Variants in MBOAT2 observed in about 807,000 individuals in gnomAD.
MBOAT2 encodes membrane-bound glycerophospholipid O-acyltransferase 2.
MBOAT2 carries 28 observed loss-of-function variants against 63.4 expected under a neutral mutation model. The ratio of observed to expected loss-of-function variants is 0.44; its 90% CI spans 0.33 to 0.61. The LOEUF is 0.61. MBOAT2 is among the 20% of genes least tolerant of loss of function. MBOAT2 has a pLI of 0.03. For missense variants in MBOAT2, 470 were observed against 605.8 expected (o/e 0.78, Z 2.35); for synonymous variants, 211 against 215.6 (o/e 0.98, Z 0.19).
intron 4 of MBOAT2, among the ~76,000 whole-genome samples, chr2:8,888,455 T>A (rs114459276): frequency 1.7e-3 from 257 of 152,250 alleles, no homozygotes; most frequent in African/African-American, 5.8e-3. Context: ...CAGTACTTTC[T>A]TCAACATATC....
chr2:8,902,941 A>T (rs751482884), intron 4 of MBOAT2, among the ~76,000 whole-genome samples: 1 of 152,110 alleles, frequency 6.6e-6, no homozygotes, highest in African/African-American at 2.4e-5. Flanking sequence ...TGATTGGTCA[A>T]TTTTACAGAG....
rs1309218689 is a variant in MBOAT2, at chr2:8,938,557, TGCCGCTGTGTCTCAG to T, written c.299+4615_299+4629del. ...CGCCACGTTTCATGCCGCCATCTCA[TGCCGCTGTGTCTCAG>T]GCCACATTTCATGCCGTGTTTCATG... On this transcript the variant is annotated intron_variant, in intron 3 of 12. Transcript: ENST00000305997. Among the ~76,000 whole-genome samples, 13 of 151,392 alleles carry T rather than the reference TGCCGCTGTGTCTCAG, an allele frequency of 8.6e-5. No individual in the cohort carries two copies. In the East Asian group the frequency reaches 2.3e-3, roughly 27 times the overall value.
chr2:8,967,126 C>A (rs1670049883), intron 1 of MBOAT2, among the ~76,000 whole-genome samples: 1 of 152,086 alleles, frequency 6.6e-6, no homozygotes, highest in Non-Finnish European at 1.5e-5. Flanking sequence ...AAGCAATAAA[C>A]CATACTGTCT....
chr2:9,000,362 A>G (rs1392295674), intron 1 of MBOAT2, among the ~76,000 whole-genome samples: 2 of 152,206 alleles, frequency 1.3e-5, no homozygotes, highest in Non-Finnish European at 2.9e-5. Context: ...GCTCAACTTT[A>G]AAATAATGGA....
At chr2:8,914,733 C>G (rs1412796518) in intron 3 of MBOAT2, among the ~76,000 whole-genome samples, 2 of 152,118 alleles carry the variant, frequency 1.3e-5, no homozygotes, top group East Asian at 1.9e-4. Context: ...TGAAATGTGG[C>G]TAGCACAAAC....
intron 4 of MBOAT2, among the ~76,000 whole-genome samples, chr2:8,905,193 T>G (rs1665239485): frequency 6.6e-6 from 1 of 152,168 alleles, no homozygotes; most frequent in Non-Finnish European, 1.5e-5. Context: ...TCTAACATTC[T>G]GAATAGCTAT....
chr2:8,895,322 G>A lies in MBOAT2; in HGVS notation c.396-7249C>T, dbSNP rs894357702. Among the ~76,000 whole-genome samples, 16 of 151,774 alleles carry A rather than the reference G, an allele frequency of 1.1e-4. 1 individual carries two copies. Among genetic ancestry groups the A allele is most frequent in the African/African-American group, 3.4e-4 (14 of 41,268 alleles). On this transcript the variant is annotated intron_variant, in intron 4 of 12. Coordinates refer to ENST00000305997, the MANE Select transcript of MBOAT2 (RefSeq NM_138799.4). ...CATTTTACAGAGTGCTAATTGGTCC[G>A]TTTTACAGAGTGCTGATTGGTCCGT...
At chr2:8,974,435 C>T (rs780210689) in intron 1 of MBOAT2, 1 of 456,392 alleles carries the variant, frequency 2.2e-6, no homozygotes, top group South Asian at 1.6e-5. Context: ...TGGCGGGCAG[C>T]CTAGGAGAAA....
chr2:8,996,107 C>A (rs559426368), intron 1 of MBOAT2, among the ~76,000 whole-genome samples: 1 of 152,152 alleles, frequency 6.6e-6, no homozygotes, highest in African/African-American at 2.4e-5. Context: ...GTCTCAGAGC[C>A]ACACTTTAAA....
chr2:8,881,127 T>A (rs1663097286), intron 6 of MBOAT2, among the ~76,000 whole-genome samples: 1 of 152,142 alleles, frequency 6.6e-6, no homozygotes, highest in Admixed American at 6.5e-5. Context: ...GAGAAGGAAG[T>A]GAACTCCGTG....
At chr2:8,890,926 T>A (rs999856701) in intron 4 of MBOAT2, among the ~76,000 whole-genome samples, 1 of 152,232 alleles carries the variant, frequency 6.6e-6, no homozygotes, top group Admixed American at 6.5e-5. Context: ...TTCTTTCTCA[T>A]CTGTGCTTGA....
chr2:8,886,652 A>G (rs1401971185), intron 5 of MBOAT2, among the ~76,000 whole-genome samples: 1 of 152,240 alleles, frequency 6.6e-6, no homozygotes, highest in Non-Finnish European at 1.5e-5. Flanking sequence ...AAACTGTTCT[A>G]AAGAGATAAT....
At chr2:8,992,173 C>T (rs1442725334) in intron 1 of MBOAT2, among the ~76,000 whole-genome samples, 2 of 152,226 alleles carry the variant, frequency 1.3e-5, no homozygotes, top group African/African-American at 4.8e-5. Context: ...CAGGTCTTTA[C>T]ATCTATCTTG....
chr2:8,934,279 T>C (rs1316629620), intron 3 of MBOAT2, among the ~76,000 whole-genome samples: 1 of 152,230 alleles, frequency 6.6e-6, no homozygotes, highest in Non-Finnish European at 1.5e-5. Context: ...AGAGACCCTG[T>C]TGGCTCCACA....
intron 4 of MBOAT2, among the ~76,000 whole-genome samples, chr2:8,906,054 C>T (rs1428814111): frequency 6.6e-6 from 1 of 152,142 alleles, no homozygotes; most frequent in African/African-American, 2.4e-5. Context: ...GCCCCCAGGG[C>T]TCAAGCAACT....
intron 4 of MBOAT2, among the ~76,000 whole-genome samples, chr2:8,890,843 A>G (rs1663940395): frequency 6.6e-6 from 1 of 152,220 alleles, no homozygotes; most frequent in Admixed American, 6.5e-5. Context: ...TAAAATATCA[A>G]ATAAACTGAA....
In MBOAT2 at chr2:8,862,686, G is replaced by C; in HGVS notation, c.1089C>G (p.Ile363Met). The C allele has an allele frequency of 6.2e-7, 1 of 1,614,112 alleles. No individual in the cohort carries two copies. The highest frequency in any genetic ancestry group is 8.5e-7 in the Non-Finnish European group (1 of 1,180,000). Reference sequence around the variant, plus strand: ...AAATGGCAGAGAGAATGAACGTCTGGATAGTTGGACTGAAGGAGGTTCGTT... The same window carrying C: ...AAATGGCAGAGAGAATGAACGTCTGCATAGTTGGACTGAAGGAGGTTCGTT... Reference protein sequence around the residue: ...CYERTSFSPTIQTFILSAIWH... With the variant: ...CYERTSFSPTMQTFILSAIWH... The change falls in exon 11 of 13, where the codon ATC becomes ATG. Residue 363 changes from isoleucine to methionine, a missense_variant. By Grantham distance (10) the Ile-to-Met change is conservative (BLOSUM62 1). Around this residue, in one of 3 missense-constraint regions of MBOAT2, gnomAD observed 376 missense variants for 503.8 expected, o/e 0.75. Coordinates refer to ENST00000305997, the MANE Select transcript of MBOAT2 (RefSeq NM_138799.4). The surrounding 1 kb of genome is among the most constrained non-coding windows in gnomAD (Gnocchi z 4.3).
At chr2:9,001,598 TC>T (rs1467715667) in intron 1 of MBOAT2, among the ~76,000 whole-genome samples, 1 of 152,180 alleles carries the variant, frequency 6.6e-6, no homozygotes, top group Non-Finnish European at 1.5e-5. Context: ...TTTAGAGTAG[TC>T]CCAAGGTACC....
At chr2:8,883,118 T>C (rs1419683061) in intron 5 of MBOAT2, among the ~76,000 whole-genome samples, 4 of 152,068 alleles carry the variant, frequency 2.6e-5, no homozygotes, top group Non-Finnish European at 5.9e-5. Flanking sequence ...AATATATACC[T>C]CAAATCCAAT....
Sources: gnomAD v4.1 joint callset for allele counts (sites outside exome capture counted in the v4.1 genomes callset) on GRCh38, gnomAD v4.1.1 for gene constraint, gnomAD v4.1.1 regional missense constraint, Gnocchi (gnomAD v3.1) non-coding constraint, MANE v1.5 for transcripts, NCBI Gene and HGNC (gene_info 2026-07-23, HGNC 2026-07-21) for gene names.